The following DYNC1LI1 variants were observed in gnomAD, a reference collection of about 807,000 sequenced individuals.
The protein encoded by DYNC1LI1 is dynein cytoplasmic 1 light intermediate chain 1.
A neutral mutation model predicts 63.8 loss-of-function variants in DYNC1LI1; 19 were observed. That is an observed-to-expected ratio of 0.30 (90% CI 0.21 to 0.44). The LOEUF (loss-of-function observed/expected upper bound fraction) is 0.44, where lower values mean the gene tolerates loss of function less well. Among genes scored for constraint, DYNC1LI1 ranks in the 20% least tolerant of loss-of-function variants. DYNC1LI1 has a pLI of 1.00. For synonymous variants in DYNC1LI1, 225 were observed against 232.3 expected, an observed-to-expected ratio of 0.97 and a Z score of 0.28; for missense variants, 565 against 630.2, an observed-to-expected ratio of 0.90 and a Z score of 1.11.
Position 32,526,054 on chromosome 3 carries a change from G to A in DYNC1LI1, c.*745C>T, listed in dbSNP as rs76466472. The A allele has an allele frequency of 6.6e-6, 1 of 150,472 alleles. No individual in the cohort carries two copies. The highest frequency in any genetic ancestry group is 6.6e-5 in the Admixed American group (1 of 15,120). The allele number at this position is 150,472 out of a possible 1,614,324, so 9.3% of individuals were successfully genotyped here. A position where few individuals can be genotyped will look rare whatever the true frequency, so the allele number is the denominator to read the frequency against. The stretch of plus-strand genomic sequence containing the variant: ...ACAAACAAAAAAGGGGGTATATTAA[G>A]GCAAAGCCATATATATATATATATA... On this transcript the variant is annotated 3_prime_UTR_variant, in exon 13 of 13. Transcript: ENST00000273130.
chr3:32,541,976 T>A (rs1019725695), intron 4 of DYNC1LI1, among the ~76,000 whole-genome samples: 1 of 152,140 alleles, frequency 6.6e-6, no homozygotes, highest in Non-Finnish European at 1.5e-5. Context: ...GAGAAAAAAT[T>A]ATACACAACC....
chr3:32,546,890 T>C (rs1241086857), intron 2 of DYNC1LI1, among the ~76,000 whole-genome samples: 1 of 152,142 alleles, frequency 6.6e-6, no homozygotes, highest in Non-Finnish European at 1.5e-5. Flanking sequence ...CTTAAAAGTA[T>C]TAATGACAGA....
At chr3:32,532,777 G>A (rs1195668094) in intron 8 of DYNC1LI1, 6 of 812,146 alleles carry the variant, frequency 7.4e-6, no homozygotes, top group African/African-American at 7.2e-5. Context: ...TGCCAAGGGC[G>A]AAGATTTAAT....
intron 6 of DYNC1LI1, among the ~76,000 whole-genome samples, chr3:32,535,179 G>A (rs1697758119): frequency 6.6e-6 from 1 of 152,290 alleles, no homozygotes; most frequent in African/African-American, 2.4e-5. Context: ...CAATTAGGAA[G>A]CTTTCAGGAA....
Position 32,526,858 on chromosome 3 carries a change from T to C in DYNC1LI1, c.1513A>G (p.Lys505Glu), listed in dbSNP as rs1226616751. 1.1e-5 allele frequency: 18 copies of C among 1,614,132 alleles called. No individual in the cohort carries two copies. Among genetic ancestry groups the C allele is most frequent in the Non-Finnish European group, 1.5e-5 (18 of 1,179,988 alleles). The stretch of plus-strand genomic sequence containing the variant: ...GTTGTGGGAGAAACTGTAACTGGTT[T>C]TCGTGTAATTCTGTCTAGTTCTGCA... ...VHAELDRITR[K>E]PVTVSPTTPT... is the part of the protein sequence containing the mutation. The change falls in exon 13 of 13, where the codon AAA becomes GAA. Residue 505 changes from lysine (K) to glutamate (E), a missense_variant. By Grantham distance (56) the Lys-to-Glu change is moderately conservative (BLOSUM62 1). Transcript: ENST00000273130.
intron 7 of DYNC1LI1, among the ~76,000 whole-genome samples, chr3:32,533,859 G>C (rs1378076894): frequency 1.3e-5 from 2 of 150,088 alleles, no homozygotes; most frequent in Non-Finnish European, 3.0e-5. Flanking sequence ...ACTGCACCTG[G>C]ACTATTCAGG....
intron 5 of DYNC1LI1, among the ~76,000 whole-genome samples, chr3:32,538,593 CG>C (rs1697833925): frequency 6.6e-6 from 1 of 151,648 alleles, no homozygotes; most frequent in South Asian, 2.1e-4. Flanking sequence ...CCCAGCTACT[CG>C]GGAGGCTGAG....
At chr3:32,566,977 A>T (rs1698268848) in intron 2 of DYNC1LI1, among the ~76,000 whole-genome samples, 1 of 152,250 alleles carries the variant, frequency 6.6e-6, no homozygotes, top group Non-Finnish European at 1.5e-5. Context: ...ATTTCATTAG[A>T]AGTCAGGCCT....
chr3:32,532,485 G>GTACATATATATATATATATATATATATA (rs1292389896), intron 8 of DYNC1LI1: 1 of 122,276 alleles, frequency 8.2e-6, no homozygotes, highest in Non-Finnish European at 1.8e-5. Flanking sequence ...AAAAAAATGT[G>GTACATATATATATATATATATATATATA]TGTATATATA....
intron 2 of DYNC1LI1, among the ~76,000 whole-genome samples, chr3:32,564,169 C>T (rs1358498943): frequency 1.3e-5 from 2 of 152,148 alleles, no homozygotes; most frequent in African/African-American, 4.8e-5. Flanking sequence ...AATTAGCCAT[C>T]GTGGTGGGAC....
Position 32,530,450 on chromosome 3 carries a change from T to G in DYNC1LI1, c.1140+11A>C. ...AACCATACTAAGTCTGCTTCTGATA[T>G]AATTTCATACCTGTAGCTTCATAAG... On this transcript the variant is annotated intron_variant, in intron 9 of 12. Coordinates refer to ENST00000273130, the MANE Select transcript of DYNC1LI1 (RefSeq NM_016141.4). 3.1e-6 allele frequency: 5 copies of G among 1,612,914 alleles called. No individual in the cohort carries two copies. The highest frequency in any genetic ancestry group is 4.2e-6 in the Non-Finnish European group (5 of 1,179,304).
chr3:32,539,815 G>A (rs1333145699), intron 5 of DYNC1LI1, among the ~76,000 whole-genome samples: 1 of 151,624 alleles, frequency 6.6e-6, no homozygotes, highest in Admixed American at 6.6e-5. Flanking sequence ...GATTACAGGC[G>A]TGAGCCACCA....
At chr3:32,553,200 T>C (rs181597019) in intron 2 of DYNC1LI1, among the ~76,000 whole-genome samples, 265 of 152,132 alleles carry the variant, frequency 1.7e-3, no homozygotes, top group African/African-American at 6.0e-3. Context: ...CCAGGTGTGG[T>C]GGTGCACACC....
At chr3:32,570,011 G>C (rs1698321122) in intron 2 of DYNC1LI1, 1 of 427,634 alleles carries the variant, frequency 2.3e-6, no homozygotes, top group Non-Finnish European at 4.3e-6. Context: ...TTTTTGTGAT[G>C]AAAGAAAACC....
At chr3:32,546,095 G>A in intron 2 of DYNC1LI1, 130 bp from the exon 3 acceptor site, 1 of 624,672 alleles carries the variant, frequency 1.6e-6, no homozygotes, top group East Asian at 2.8e-5. Flanking sequence ...GAAATATAAT[G>A]GAGCAGCTAC....
intron 2 of DYNC1LI1, among the ~76,000 whole-genome samples, chr3:32,560,965 G>A (rs1421082868): frequency 2.6e-5 from 3 of 114,480 alleles, no homozygotes; most frequent in Non-Finnish European, 4.9e-5. Context: ...CTGCACCACT[G>A]CACTCCAGCC....
Position 32,537,086 on chromosome 3 carries a change from A to G in DYNC1LI1, c.757T>C (p.Leu253=), listed in dbSNP as rs763873423. Residue 253 remains leucine (L), a synonymous_variant, in exon 6 of 13, where the codon TTG becomes CTG. Coordinates refer to ENST00000273130, the MANE Select transcript of DYNC1LI1 (RefSeq NM_016141.4). The stretch of plus-strand genomic sequence containing the variant: ...TCTCTGTAGTCATGTTCTTTCTCCA[A>G]TACACTAATGGCATCACACTGTTAA... ...VCTKCDAISV[L]EKEHDYRDEH... The G allele has an allele frequency of 7.0e-6, 11 of 1,577,992 alleles. No individual in the cohort carries two copies. The highest frequency in any genetic ancestry group is 3.5e-5 in the South Asian group (3 of 85,384).
chr3:32,560,838 A>T (rs1241526625), intron 2 of DYNC1LI1, among the ~76,000 whole-genome samples: 1 of 151,414 alleles, frequency 6.6e-6, no homozygotes, highest in African/African-American at 2.4e-5. Flanking sequence ...ACCCCCGTCT[A>T]CTAAAAATAC....
rs551959505 is a variant in DYNC1LI1, at chr3:32,570,717, G to A, written c.54C>T (p.Ser18=). The A allele has an allele frequency of 4.7e-5, 75 of 1,609,328 alleles. No individual in the cohort carries two copies. Among genetic ancestry groups the A allele is most frequent in the East Asian group, 1.4e-4 (6 of 44,394 alleles). The part of the protein sequence containing the change: ...GSFGSSPPGL[S]STYTGGPLGN... ...CCAAGGGGCCGCCAGTGTAAGTCGA[G>A]GATAATCCCGGCGGAGAAGAACCGA... Residue 18 remains serine, a synonymous_variant, in exon 1 of 13, where the codon TCC becomes TCT. Coordinates refer to ENST00000273130, the MANE Select transcript of DYNC1LI1 (RefSeq NM_016141.4).
Sources: allele counts gnomAD v4.1 joint callset (sites outside exome capture counted in the v4.1 genomes callset), GRCh38; gene constraint gnomAD v4.1.1; transcripts MANE v1.5; gene names NCBI Gene and HGNC (gene_info 2026-07-23, HGNC 2026-07-21).